The following GPATCH1 variants were observed in gnomAD, a reference collection of about 807,000 sequenced individuals.
The protein encoded by GPATCH1 is G patch domain-containing protein 1.
In GPATCH1, 73 loss-of-function variants were observed where a neutral mutation model predicts 114.9. That is an observed-to-expected ratio of 0.64 (90% CI 0.53 to 0.77). The LOEUF (loss-of-function observed/expected upper bound fraction) is 0.77, where lower values mean the gene tolerates loss of function less well. GPATCH1 is among the 30% of genes least tolerant of loss of function. The pLI is 0.00. For missense variants in GPATCH1, 1,058 were observed against 1,144.3 expected (o/e 0.92, Z 1.09); for synonymous variants, 391 against 428.4 (o/e 0.91, Z 1.08).
chr19:33,108,032 C>A (rs1972806557), intron 10 of GPATCH1, among the ~76,000 whole-genome samples: 1 of 151,978 alleles, frequency 6.6e-6, no homozygotes, highest in Non-Finnish European at 1.5e-5. Context: ...TAGCTCCTCT[C>A]TTTTCGGTCC....
chr19:33,087,581 GGAA>G (rs1972545951), intron 1 of GPATCH1, among the ~76,000 whole-genome samples: 1 of 152,090 alleles, frequency 6.6e-6, no homozygotes, highest in Non-Finnish European at 1.5e-5. Context: ...GAAGAGGTAT[GGAA>G]GTGTATCTCT....
At chr19:33,097,658 CAT>C in intron 7 of GPATCH1, 95 bp from the exon 8 acceptor site, 1 of 1,112,644 alleles carries the variant, frequency 9.0e-7, no homozygotes, top group Non-Finnish European at 1.3e-6. Flanking sequence ...GAAGTGCTAA[CAT>C]GGTTTCCAAT....
chr19:33,118,219 C>T (rs1972938460), intron 16 of GPATCH1, among the ~76,000 whole-genome samples, 178 bp downstream of exon 16: 1 of 149,594 alleles, frequency 6.7e-6, no homozygotes, highest in African/African-American at 2.5e-5. Flanking sequence ...GGCTCTGTCC[C>T]CAGGGTGGAG....
At chr19:33,129,096 A>G (rs577218885) in intron 19 of GPATCH1, among the ~76,000 whole-genome samples, 1 of 152,190 alleles carries the variant, frequency 6.6e-6, no homozygotes, top group East Asian at 1.9e-4. Flanking sequence ...CTACTAAAAA[A>G]ACTAGCCAGG....
intron 3 of GPATCH1, among the ~76,000 whole-genome samples, chr19:33,091,197 G>A (rs1001265936): frequency 6.6e-6 from 1 of 152,024 alleles, no homozygotes; most frequent in Non-Finnish European, 1.5e-5. Flanking sequence ...GGATCACGAG[G>A]TCAGGAGATC....
chr19:33,107,445 T>G (rs1972798197), intron 10 of GPATCH1, among the ~76,000 whole-genome samples: 1 of 152,180 alleles, frequency 6.6e-6, no homozygotes, highest in Non-Finnish European at 1.5e-5. Flanking sequence ...CTTGTCATAA[T>G]TATCAGGGAA....
At position 33,096,214 on chromosome 19, in the gene GPATCH1, A is replaced by T; in HGVS notation, c.620A>T (p.Asp207Val). ...PGSSEGSEGEDDDYLPDNVTF... is the reference protein window; with the variant it reads ...PGSSEGSEGEVDDYLPDNVTF... Reference sequence around the variant, plus strand: ...CACTTTAAACGGAAATAGGGTGAAGATGATGACTACTTGCCTGATAATGTG... The same window carrying T: ...CACTTTAAACGGAAATAGGGTGAAGTTGATGACTACTTGCCTGATAATGTG... Residue 207 changes from aspartate (D) to valine (V), a missense_variant, in exon 7 of 20, where the codon GAT (aspartate) becomes GTT (valine). Physicochemically the swap from Asp to Val is radical, Grantham distance 152. Transcript: ENST00000170564. 1 of 1,613,696 alleles carries T rather than the reference A, an allele frequency of 6.2e-7. No homozygotes were observed. Among genetic ancestry groups the T allele is most frequent in the Non-Finnish European group, 8.5e-7 (1 of 1,179,820 alleles).
intron 10 of GPATCH1, among the ~76,000 whole-genome samples, 183 bp from the exon 11 acceptor site, chr19:33,109,534 G>T (rs1197108147): frequency 2.0e-5 from 3 of 151,884 alleles, no homozygotes; most frequent in African/African-American, 7.3e-5. Context: ...ATAATAAGAA[G>T]AAGAATCTCA....
At position 33,088,264 on chromosome 19, in the gene GPATCH1, A is replaced by C; in HGVS notation, c.204A>C (p.Lys68Asn). 6.3e-7 allele frequency: 1 copy of C among 1,596,826 alleles called. No homozygotes were observed. The highest frequency in any genetic ancestry group is 8.5e-7 in the Non-Finnish European group (1 of 1,172,122). Reference protein sequence around the residue: ...SAGYFNTVGSKEGWTPSTFVS... With the variant: ...SAGYFNTVGSNEGWTPSTFVS... ...GATACTTCAATACTGTTGGCTCAAAAGAAGGTATCATTTTCCTAATTGTAG... is the reference window on the plus strand; with the variant it reads ...GATACTTCAATACTGTTGGCTCAAACGAAGGTATCATTTTCCTAATTGTAG... The change falls in exon 2 of 20, where the codon AAA (lysine) becomes AAC (asparagine). Residue 68 changes from lysine to asparagine, a missense_variant. Physicochemically the swap from Lys to Asn is moderately conservative, Grantham distance 94. This residue lies in a region of GPATCH1 where 131 missense variants were observed against 107.2 expected (regional missense o/e 1.22). Transcript: ENST00000170564.
chr19:33,089,203 CTGAG>C (rs1412617347), intron 2 of GPATCH1, among the ~76,000 whole-genome samples: 11 of 152,216 alleles, frequency 7.2e-5, no homozygotes, highest in South Asian at 2.1e-4. Context: ...TCTCTCGTGA[CTGAG>C]TGAGTGAGGA....
intron 9 of GPATCH1, among the ~76,000 whole-genome samples, chr19:33,106,222 A>T (rs967437729): frequency 1.3e-5 from 2 of 151,408 alleles, no homozygotes; most frequent in Non-Finnish European, 2.9e-5. Flanking sequence ...CAGGCTCGTC[A>T]TGAACTCCCA....
At chr19:33,081,789 A>G (rs1211093490) in intron 1 of GPATCH1, among the ~76,000 whole-genome samples, 1 of 152,096 alleles carries the variant, frequency 6.6e-6, no homozygotes, top group Non-Finnish European at 1.5e-5. Context: ...GCTGGATCTT[A>G]CTTGGTAGGG....
chr19:33,088,939 G>A (rs1291985507), intron 2 of GPATCH1, among the ~76,000 whole-genome samples: 1 of 152,172 alleles, frequency 6.6e-6, no homozygotes, highest in Non-Finnish European at 1.5e-5. Flanking sequence ...TTACAGGTGT[G>A]AGCCACTGCG....
At position 33,120,292 on chromosome 19, in the gene GPATCH1, T is replaced by C. The variant is rs192184200; in HGVS notation, c.2521+1175T>C. ...ATAACAATTATATATAAAAATTATA[T>C]ATAAAATTATATATTTTATACATAA... On this transcript the variant is annotated intron_variant, in intron 17 of 19. Coordinates refer to ENST00000170564, the MANE Select transcript of GPATCH1 (RefSeq NM_018025.3). Among the ~76,000 whole-genome samples the C allele has an allele frequency of 6.5e-3, 874 of 135,214 alleles. 28 individuals are homozygous for C. The East Asian group carries it at 0.088, about 14-fold the overall frequency. The allele number at this position is 135,214 out of a possible 152,430, so 88.7% of individuals were successfully genotyped here.
intron 17 of GPATCH1, among the ~76,000 whole-genome samples, chr19:33,122,249 C>G (rs898992273): frequency 4.0e-5 from 6 of 151,824 alleles, no homozygotes; most frequent in Non-Finnish European, 1.5e-5. Flanking sequence ...CTCAAGTGAT[C>G]CACCTGCCTC....
intron 1 of GPATCH1, among the ~76,000 whole-genome samples, chr19:33,083,413 G>A (rs371372183): frequency 3.8e-5 from 5 of 131,270 alleles, no homozygotes; most frequent in African/African-American, 1.1e-4. Context: ...TTTTTTTTCT[G>A]TGACAGAGTC....
intron 17 of GPATCH1, among the ~76,000 whole-genome samples, chr19:33,120,642 G>T (rs1972972670): frequency 6.6e-6 from 1 of 151,296 alleles, no homozygotes; most frequent in African/African-American, 2.4e-5. Context: ...GATCGCTTGA[G>T]CCCAGTAGTC....
chr19:33,114,476 T>G, intron 15 of GPATCH1, 57 bp downstream of exon 15: 1 of 1,352,570 alleles, frequency 7.4e-7, no homozygotes, highest in Non-Finnish European at 1.0e-6. Context: ...TGCTTTTCTC[T>G]TTGGTGACAC....
At chr19:33,092,448 A>G (rs1481452103) in intron 3 of GPATCH1, among the ~76,000 whole-genome samples, 1 of 152,068 alleles carries the variant, frequency 6.6e-6, no homozygotes, top group African/African-American at 2.4e-5. Flanking sequence ...CCCATTCCTA[A>G]CGCAGTCCCT....
Sources: gnomAD v4.1 joint callset for allele counts (sites outside exome capture counted in the v4.1 genomes callset) on GRCh38, gnomAD v4.1.1 for gene constraint, gnomAD v4.1.1 regional missense constraint, MANE v1.5 for transcripts, NCBI Gene and HGNC (gene_info 2026-07-23, HGNC 2026-07-21) for gene names.